SLC25A26: variants seen among roughly 807,000 people sequenced by gnomAD.
The protein encoded by SLC25A26 is mitochondrial S-adenosylmethionine carrier protein.
A neutral mutation model predicts 37.8 loss-of-function variants in SLC25A26; 36 were observed. The ratio of observed to expected loss-of-function variants is 0.95; its 90% CI spans 0.73 to 1.26. The LOEUF (loss-of-function observed/expected upper bound fraction) is 1.26, where lower values mean the gene tolerates loss of function less well. Ranked by LOEUF, SLC25A26 falls within the 50% of genes most tolerant of loss-of-function variation. The pLI, the probability that SLC25A26 is intolerant of heterozygous loss-of-function variation, is 0.00. For synonymous variants in SLC25A26, 129 were observed against 122.5 expected, an observed-to-expected ratio of 1.05 and a Z score of -0.35; for missense variants, 390 against 331.1, an observed-to-expected ratio of 1.18 and a Z score of -1.38.
chr3:66,191,471 C>T (rs1576628427), intron 1 of SLC25A26, among the ~76,000 whole-genome samples: 1 of 152,094 alleles, frequency 6.6e-6, no homozygotes, highest in Non-Finnish European at 1.5e-5. Context: ...AAAAATATCT[C>T]CTTATTGTTT....
intron 1 of SLC25A26, among the ~76,000 whole-genome samples, chr3:66,235,536 C>A (rs1286789612): frequency 6.6e-6 from 1 of 152,110 alleles, no homozygotes; most frequent in East Asian, 1.9e-4. Flanking sequence ...AAAGAGAATA[C>A]TGTATGAGTC....
At chr3:66,305,609 T>A (rs796806146) in intron 5 of SLC25A26, among the ~76,000 whole-genome samples, 29 of 152,048 alleles carry the variant, frequency 1.9e-4, no homozygotes, top group African/African-American at 6.3e-4. Context: ...ATGCTCCCCT[T>A]CCCCCCACCC....
Position 66,221,020 on chromosome 3 carries a change from C to T in SLC25A26, c.-75C>T. The T allele has an allele frequency of 3.4e-6, 5 of 1,479,754 alleles. No individual in the cohort carries two copies. Among genetic ancestry groups the T allele is most frequent in the Non-Finnish European group, 4.6e-6 (5 of 1,095,494 alleles). The allele number at this position is 1,479,754 out of a possible 1,614,324, so 91.7% of individuals were successfully genotyped here. ...CAAGACAGACCCGCCTCAAACATGGCGGCGCCCAGCGCGCGAGGACGTGAT... is the reference window on the plus strand; with the variant it reads ...CAAGACAGACCCGCCTCAAACATGGTGGCGCCCAGCGCGCGAGGACGTGAT... On this transcript the variant is annotated 5_prime_UTR_variant, in exon 1 of 10. Coordinates refer to ENST00000354883, the MANE Select transcript of SLC25A26 (RefSeq NM_001379210.1).
At chr3:66,189,321 A>AC (rs1229547821) in intron 1 of SLC25A26, among the ~76,000 whole-genome samples, 2 of 151,156 alleles carry the variant, frequency 1.3e-5, no homozygotes, top group East Asian at 1.9e-4. Flanking sequence ...ACTGACCCTG[A>AC]CCCCCAACTT....
chr3:66,302,350 C>T (rs2075100207), intron 5 of SLC25A26, among the ~76,000 whole-genome samples: 1 of 152,196 alleles, frequency 6.6e-6, no homozygotes, highest in South Asian at 2.1e-4. Flanking sequence ...CTTGGACAAT[C>T]TGGGTATCTG....
At chr3:66,333,801 C>A (rs1374802188) in intron 5 of SLC25A26, among the ~76,000 whole-genome samples, 2 of 151,900 alleles carry the variant, frequency 1.3e-5, no homozygotes, top group East Asian at 3.9e-4. Context: ...TTCAAAGAGG[C>A]TTGTCTCCAG....
chr3:66,162,093 T>A (rs1343041634), intron 1 of SLC25A26, among the ~76,000 whole-genome samples: 1 of 152,166 alleles, frequency 6.6e-6, no homozygotes, highest in Non-Finnish European at 1.5e-5. Context: ...TTGGCAGGAC[T>A]GGTTTCTCCT....
chr3:66,245,297 A>G (rs1678097), intron 3 of SLC25A26, among the ~76,000 whole-genome samples: 19,734 of 151,368 alleles, frequency 0.13, 2,171 homozygotes, highest in African/African-American at 0.28. Flanking sequence ...CAGAGGAGAA[A>G]TGTATAATAC....
At chr3:66,138,781 C>T (rs2069990104) in intron 1 of SLC25A26, among the ~76,000 whole-genome samples, 1 of 152,080 alleles carries the variant, frequency 6.6e-6, no homozygotes, top group Non-Finnish European at 1.5e-5. Flanking sequence ...GCATCGGTTC[C>T]TTGGCAAAGC....
At chr3:66,261,572 GA>G (rs2073528877) in intron 3 of SLC25A26, 2 of 155,078 alleles carry the variant, frequency 1.3e-5, no homozygotes, top group African/African-American at 4.8e-5. Context: ...GTTGCTGCAT[GA>G]TCAAGAGGTC....
chr3:66,250,753 TG>T (rs1015500609), intron 3 of SLC25A26, among the ~76,000 whole-genome samples: 2 of 152,060 alleles, frequency 1.3e-5, no homozygotes, highest in African/African-American at 4.8e-5. Flanking sequence ...TTCTCCGGAC[TG>T]GGGTAGATGG....
At chr3:66,158,557 T>G (rs1400899225) in intron 1 of SLC25A26, among the ~76,000 whole-genome samples, 1 of 152,208 alleles carries the variant, frequency 6.6e-6, no homozygotes, top group Non-Finnish European at 1.5e-5. Context: ...CTGCACCATT[T>G]TACATTTGCA....
intron 3 of SLC25A26, among the ~76,000 whole-genome samples, chr3:66,259,032 G>T (rs1016364133): frequency 2.0e-5 from 3 of 152,080 alleles, no homozygotes; most frequent in Admixed American, 6.5e-5. Context: ...ACCCCTGGAC[G>T]GGAGTGTTTG....
intron 1 of SLC25A26, among the ~76,000 whole-genome samples, chr3:66,199,410 C>T (rs2071083177): frequency 6.6e-6 from 1 of 152,028 alleles, no homozygotes; most frequent in South Asian, 2.1e-4. Flanking sequence ...CTCATGTTGA[C>T]TATGATCCTA....
At chr3:66,219,402 T>C (rs1218676330), upstream of SLC25A26, among the ~76,000 whole-genome samples, 1 of 152,188 alleles carries the variant, frequency 6.6e-6, no homozygotes, top group Non-Finnish European at 1.5e-5. Flanking sequence ...ATAATTAAGG[T>C]CTCTAATCAG....
chr3:66,250,544 A>G (rs2073041252), intron 3 of SLC25A26, among the ~76,000 whole-genome samples: 1 of 152,194 alleles, frequency 6.6e-6, no homozygotes, highest in Non-Finnish European at 1.5e-5. Context: ...TGGGCAGTGC[A>G]TGTCCCAGTC....
intron 6 of SLC25A26, among the ~76,000 whole-genome samples, chr3:66,348,458 G>C (rs2076377547): frequency 6.6e-6 from 1 of 152,164 alleles, no homozygotes; most frequent in Admixed American, 6.5e-5. Flanking sequence ...CCTTGTTCTA[G>C]TGAAAATGGT....
chr3:66,191,559 G>A (rs2070942385), intron 1 of SLC25A26, among the ~76,000 whole-genome samples: 2 of 151,932 alleles, frequency 1.3e-5, no homozygotes, highest in African/African-American at 4.8e-5. Flanking sequence ...TTCAAGGTAG[G>A]TATAGACTGA....
chr3:66,359,048 G>C (rs1448697589), intron 6 of SLC25A26, among the ~76,000 whole-genome samples: 1 of 152,180 alleles, frequency 6.6e-6, no homozygotes, highest in Non-Finnish European at 1.5e-5. Context: ...TAGTATCCAT[G>C]TCAAATACCA....
Sources: allele counts gnomAD v4.1 joint callset (sites outside exome capture counted in the v4.1 genomes callset), GRCh38; gene constraint gnomAD v4.1.1; transcripts MANE v1.5; gene names NCBI Gene and HGNC (gene_info 2026-07-23, HGNC 2026-07-21).